Variants in PRUNE2 observed in about 807,000 individuals in gnomAD.
The protein encoded by PRUNE2 is protein prune homolog 2.
In PRUNE2, 164 loss-of-function variants were observed where a neutral mutation model predicts 252.0. The ratio of observed to expected loss-of-function variants is 0.65; its 90% CI spans 0.57 to 0.74. The LOEUF (loss-of-function observed/expected upper bound fraction) is 0.74. Ranked by LOEUF, PRUNE2 falls within the 30% of genes least tolerant of loss-of-function variation. The pLI, the probability that PRUNE2 is intolerant of heterozygous loss-of-function variation, is 0.00. For missense variants in PRUNE2, 3,495 were observed against 3,711.0 expected, an observed-to-expected ratio of 0.94 and a Z score of 1.51; for synonymous variants, 1,292 against 1,350.2, an observed-to-expected ratio of 0.96 and a Z score of 0.94.
chr9:76,640,630 A>G (rs1842180350), intron 12 of PRUNE2, among the ~76,000 whole-genome samples: 1 of 152,242 alleles, frequency 6.6e-6, no homozygotes, highest in African/African-American at 2.4e-5. Context: ...TTAGAATGCA[A>G]TATGAAGGAA....
chr9:76,807,995 T>C (rs2057094554), intron 6 of PRUNE2, among the ~76,000 whole-genome samples: 1 of 152,074 alleles, frequency 6.6e-6, no homozygotes, highest in Admixed American at 6.6e-5. Flanking sequence ...CTGGCCAATA[T>C]GGTGAAACCC....
intron 9 of PRUNE2, among the ~76,000 whole-genome samples, chr9:76,669,629 G>C (rs990224809): frequency 2.0e-5 from 3 of 152,140 alleles, no homozygotes; most frequent in African/African-American, 7.2e-5. Flanking sequence ...CTCGAATGTT[G>C]TTTTCATTGG....
intron 6 of PRUNE2, among the ~76,000 whole-genome samples, chr9:76,722,433 G>A (rs746462407): frequency 1.3e-5 from 2 of 151,858 alleles, no homozygotes; most frequent in Non-Finnish European, 2.9e-5. Context: ...AATTCACTGG[G>A]TCTATTAAAA....
rs2046464600 is a variant in PRUNE2, at chr9:76,708,456, G to A, written c.3818C>T (p.Thr1273Ile). The A allele has an allele frequency of 1.2e-6, 2 of 1,613,910 alleles. No homozygotes were observed. Among genetic ancestry groups the A allele is most frequent in the South Asian group, 2.2e-5 (2 of 91,074 alleles). ...AGATATAAGTGCCTCTGATTCACTG[G>A]TTCCAGAGGCTGCTGGCGCATCTGG... ...HSPDAPAASGTSESEALISHL... is the reference protein window; with the variant it reads ...HSPDAPAASGISESEALISHL... The change falls in exon 8 of 19, where the codon ACC becomes ATC. Residue 1273 changes from threonine to isoleucine, a missense_variant. Thr to Ile is a moderately conservative substitution (Grantham distance 89). Coordinates refer to ENST00000376718, the MANE Select transcript of PRUNE2 (RefSeq NM_015225.3).
chr9:76,617,910 G>C (rs529120476), intron 18 of PRUNE2, among the ~76,000 whole-genome samples: 18 of 152,292 alleles, frequency 1.2e-4, no homozygotes, highest in African/African-American at 2.9e-4. Context: ...CTGCTCAAGG[G>C]GGGTGCTGTT....
At chr9:76,799,957 GA>G (rs1395875997) in intron 6 of PRUNE2, among the ~76,000 whole-genome samples, 1 of 152,156 alleles carries the variant, frequency 6.6e-6, no homozygotes, top group East Asian at 1.9e-4. Flanking sequence ...CTGTTTTCTA[GA>G]AATGTCCCCT....
chr9:76,834,019 A>C (rs2058821467), intron 4 of PRUNE2, among the ~76,000 whole-genome samples: 1 of 151,486 alleles, frequency 6.6e-6, no homozygotes, highest in South Asian at 2.1e-4. Flanking sequence ...AGTAGCTAGG[A>C]TTACAGGCAT....
chr9:76,667,870 G>A (rs938902343), intron 9 of PRUNE2, among the ~76,000 whole-genome samples: 6 of 152,202 alleles, frequency 3.9e-5, no homozygotes, highest in Non-Finnish European at 7.3e-5. Context: ...CGTAGCTATA[G>A]ACAATATGTA....
chr9:76,839,581 G>T (rs1259887420), intron 4 of PRUNE2, among the ~76,000 whole-genome samples: 1 of 152,240 alleles, frequency 6.6e-6, no homozygotes, highest in African/African-American at 2.4e-5. Flanking sequence ...TGACGTGGTG[G>T]TCTCTAGGGG....
At chr9:76,658,585 A>T (rs1850115075) in intron 9 of PRUNE2, among the ~76,000 whole-genome samples, 2 of 152,240 alleles carry the variant, frequency 1.3e-5, no homozygotes, top group Admixed American at 1.3e-4. Context: ...TCAGTAACTG[A>T]AGCCTCTCAA....
intron 6 of PRUNE2, among the ~76,000 whole-genome samples, chr9:76,817,219 C>T (rs2057748353): frequency 6.6e-6 from 1 of 152,092 alleles, no homozygotes; most frequent in South Asian, 2.1e-4. Context: ...CCTGAGTGGG[C>T]TCAAATTCTA....
At chr9:76,691,963 T>G (rs2044789859) in intron 9 of PRUNE2, 4 of 666,498 alleles carry the variant, frequency 6.0e-6, no homozygotes, top group Non-Finnish European at 8.4e-6. Flanking sequence ...CCCTCCCGTC[T>G]CCCCCGCCAA....
intron 15 of PRUNE2, among the ~76,000 whole-genome samples, chr9:76,633,136 C>T (rs1186936300): frequency 9.2e-5 from 14 of 152,130 alleles, no homozygotes; most frequent in South Asian, 4.2e-4. Flanking sequence ...GCAGGAGAAT[C>T]GCTTGAACCT....
At chr9:76,780,278 T>C (rs559178914) in intron 6 of PRUNE2, among the ~76,000 whole-genome samples, 17 of 152,134 alleles carry the variant, frequency 1.1e-4, no homozygotes, top group South Asian at 6.3e-4. Flanking sequence ...CCCCCAACAA[T>C]TGAGAATTGA....
chr9:76,867,223 C>T (rs933741061), intron 1 of PRUNE2, among the ~76,000 whole-genome samples: 2 of 150,582 alleles, frequency 1.3e-5, no homozygotes, highest in African/African-American at 4.9e-5. Flanking sequence ...CCCCCGCCAG[C>T]AGGTGTTTCA....
intron 4 of PRUNE2, among the ~76,000 whole-genome samples, chr9:76,838,664 A>C (rs1023388590): frequency 4.6e-5 from 7 of 151,036 alleles, no homozygotes; most frequent in African/African-American, 1.2e-4. Context: ...AAAAAAAAAA[A>C]AAAAACAAAT....
chr9:76,890,652 A>G (rs775671384), intron 1 of PRUNE2, among the ~76,000 whole-genome samples: 2 of 152,198 alleles, frequency 1.3e-5, no homozygotes, highest in African/African-American at 2.4e-5. Flanking sequence ...TTACAAGGAA[A>G]TATCATCCCA....
Position 76,706,506 on chromosome 9 carries a change from C to A in PRUNE2, c.5768G>T (p.Ser1923Ile). 6.2e-7 allele frequency: 1 copy of A among 1,613,992 alleles called. No individual in the cohort carries two copies. The highest frequency in any genetic ancestry group is 1.1e-5 in the South Asian group (1 of 91,078). Residue 1923 changes from serine (S) to isoleucine (I), a missense_variant, in exon 8 of 19, where the codon AGC becomes ATC. By Grantham distance (142) the Ser-to-Ile change is moderately radical. Coordinates refer to ENST00000376718, the MANE Select transcript of PRUNE2 (RefSeq NM_015225.3). ...RQPDPDADKFSQLVKLDQIKE... is the reference protein window; with the variant it reads ...RQPDPDADKFIQLVKLDQIKE... Reference sequence around the variant, plus strand: ...AATTTGGTCTAATTTTACAAGCTGGCTGAACTTGTCAGCATCTGGGTCTGG... The same window carrying A: ...AATTTGGTCTAATTTTACAAGCTGGATGAACTTGTCAGCATCTGGGTCTGG...
rs758360210 is a variant in PRUNE2, at chr9:76,703,363, G to A, written c.8250C>T (p.Leu2750=). 15 of 1,598,240 alleles carry A rather than the reference G, an allele frequency of 9.4e-6. No homozygotes were observed. The highest frequency in any genetic ancestry group is 2.2e-5 in the East Asian group (1 of 44,666). ...CATTTGGTCTTGATATCCTGGTTCC[G>A]AGCTCAAGGAACTCTGTCTCCTCCT... is the stretch of plus-strand genomic sequence containing the variant. ...EMEEETEFLE[L]GTRISRPNGL... is the part of the protein sequence containing the mutation. The change falls in exon 9 of 19, where the codon CTC becomes CTT. Residue 2750 remains leucine (L), a synonymous_variant. Transcript: ENST00000376718.
Sources: allele counts gnomAD v4.1 joint callset (sites outside exome capture counted in the v4.1 genomes callset), GRCh38; gene constraint gnomAD v4.1.1; transcripts MANE v1.5; gene names NCBI Gene and HGNC (gene_info 2026-07-23, HGNC 2026-07-21).